Variants in AGBL1 observed in about 807,000 individuals in gnomAD.
AGBL1 encodes cytosolic carboxypeptidase 4.
Under a neutral mutation model 118.9 loss-of-function variants are expected in AGBL1, and 130 were observed. The ratio of observed to expected loss-of-function variants is 1.09; its 90% CI spans 0.95 to 1.26. The LOEUF (loss-of-function observed/expected upper bound fraction) is 1.26. Ranked by LOEUF, AGBL1 falls within the 50% of genes most tolerant of loss-of-function variation. The pLI is 0.00. For synonymous variants in AGBL1, 555 were observed against 478.9 expected (o/e 1.16, Z -2.08); for missense variants, 1,584 against 1,298.1 (o/e 1.22, Z -3.38).
chr15:86,355,969 T>TG (rs2080709130), intron 17 of AGBL1, among the ~76,000 whole-genome samples: 1 of 152,238 alleles, frequency 6.6e-6, no homozygotes, highest in Non-Finnish European at 1.5e-5. Context: ...TCTGCTTGCC[T>TG]GTCTTCTTTT....
intron 22 of AGBL1, among the ~76,000 whole-genome samples, chr15:86,740,628 A>C (rs2077663846): frequency 1.3e-5 from 2 of 152,206 alleles, no homozygotes; most frequent in Non-Finnish European, 2.9e-5. Flanking sequence ...AAGTGCTTGT[A>C]GAAGATTAGT....
chr15:86,495,152 G>T (rs574892351), intron 18 of AGBL1, among the ~76,000 whole-genome samples: 1 of 149,716 alleles, frequency 6.7e-6, no homozygotes, highest in East Asian at 2.0e-4. Context: ...CTCTTTCTCT[G>T]TTTCTGCTTT....
chr15:86,988,369 G>T, intron 24 of AGBL1: 1 of 269,710 alleles, frequency 3.7e-6, no homozygotes, highest in South Asian at 1.1e-4. Flanking sequence ...TCAATTGGTG[G>T]ATCCCTTTGT....
intron 17 of AGBL1, among the ~76,000 whole-genome samples, chr15:86,369,441 C>G (rs1246209507): frequency 1.3e-5 from 2 of 151,842 alleles, no homozygotes; most frequent in African/African-American, 2.4e-5. Flanking sequence ...TTGATTGACA[C>G]TAATAGATAA....
At chr15:86,645,752 A>C (rs1833628314) in intron 21 of AGBL1, among the ~76,000 whole-genome samples, 1 of 152,204 alleles carries the variant, frequency 6.6e-6, no homozygotes, top group Admixed American at 6.5e-5. Context: ...AGTTCACAGA[A>C]TGAGTTAGAA....
chr15:86,629,417 C>T (rs774063289), intron 21 of AGBL1, among the ~76,000 whole-genome samples: 7 of 152,070 alleles, frequency 4.6e-5, no homozygotes, highest in African/African-American at 7.2e-5. Flanking sequence ...ATCTGCATAT[C>T]GGTCAGTCAG....
chr15:86,927,763 G>A (rs1267476538), intron 23 of AGBL1, among the ~76,000 whole-genome samples: 1 of 152,010 alleles, frequency 6.6e-6, no homozygotes, highest in Non-Finnish European at 1.5e-5. Context: ...CAATCATTGT[G>A]TCTGCTTGCC....
chr15:86,392,102 G>A (rs556778154), intron 17 of AGBL1, among the ~76,000 whole-genome samples: 5 of 151,898 alleles, frequency 3.3e-5, no homozygotes, highest in African/African-American at 9.7e-5. Flanking sequence ...TAAAAATCAC[G>A]TAGATTACCT....
At chr15:86,417,506 T>G (rs990343402) in intron 18 of AGBL1, among the ~76,000 whole-genome samples, 3 of 152,224 alleles carry the variant, frequency 2.0e-5, no homozygotes, top group African/African-American at 7.2e-5. Flanking sequence ...GATGTAACAT[T>G]GAACAGAGCA....
chr15:86,937,496 A>G (rs555331850), intron 23 of AGBL1, among the ~76,000 whole-genome samples: 11 of 152,370 alleles, frequency 7.2e-5, no homozygotes, highest in Non-Finnish European at 1.5e-4. Flanking sequence ...TGTCCTTTGC[A>G]GGAACATGGA....
intron 21 of AGBL1, among the ~76,000 whole-genome samples, chr15:86,638,223 A>C (rs1051992163): frequency 1.3e-4 from 20 of 152,236 alleles, no homozygotes; most frequent in Admixed American, 1.3e-3. Context: ...AAATATTGCA[A>C]TACAACAGTT....
chr15:86,105,967 G>T (rs1445287813), intron 1 of AGBL1, among the ~76,000 whole-genome samples: 2 of 152,172 alleles, frequency 1.3e-5, no homozygotes, highest in South Asian at 4.1e-4. Context: ...TCAGCCCTTT[G>T]TTTCTTCCAA....
chr15:86,888,324 G>C (rs1385870919), intron 22 of AGBL1, among the ~76,000 whole-genome samples: 3 of 149,960 alleles, frequency 2.0e-5, no homozygotes, highest in Non-Finnish European at 3.0e-5. Context: ...CTGTCCAGTG[G>C]AAACTAAATA....
chr15:86,293,259 A>G (rs2079577175), intron 16 of AGBL1, among the ~76,000 whole-genome samples: 1 of 152,200 alleles, frequency 6.6e-6, no homozygotes, highest in Admixed American at 6.5e-5. Context: ...TTTTAAAAAA[A>G]ATTGTACAGC....
At chr15:86,801,362 A>T (rs1470994330) in intron 22 of AGBL1, among the ~76,000 whole-genome samples, 2 of 113,550 alleles carry the variant, frequency 1.8e-5, no homozygotes. Context: ...TCTATATTAA[A>T]GCCTTCTTAA....
intron 18 of AGBL1, among the ~76,000 whole-genome samples, chr15:86,459,839 C>T (rs8028244): frequency 0.46 from 69,564 of 151,852 alleles, 16,516 homozygotes; most frequent in Middle Eastern, 0.56. Flanking sequence ...TTTTTATTGC[C>T]CAACGGGTAC....
intron 17 of AGBL1, among the ~76,000 whole-genome samples, chr15:86,324,738 A>C (rs1597730486): frequency 6.6e-6 from 1 of 152,344 alleles, no homozygotes; most frequent in East Asian, 1.9e-4. Flanking sequence ...GTAGAGTCGT[A>C]GTGGTAAATC....
intron 22 of AGBL1, among the ~76,000 whole-genome samples, chr15:86,859,875 G>A (rs1037975610): frequency 1.3e-5 from 2 of 152,132 alleles, no homozygotes; most frequent in African/African-American, 4.8e-5. Context: ...TTTATCAGCT[G>A]TGTGACCTTG....
chr15:86,449,974 A>G (rs1296766652), intron 18 of AGBL1, among the ~76,000 whole-genome samples: 1 of 151,916 alleles, frequency 6.6e-6, no homozygotes, highest in Non-Finnish European at 1.5e-5. Context: ...AAATTGTGGC[A>G]TTTCAAGCTT....
Sources: allele counts gnomAD v4.1 joint callset (sites outside exome capture counted in the v4.1 genomes callset), GRCh38; gene constraint gnomAD v4.1.1; transcripts MANE v1.5; gene names NCBI Gene and HGNC (gene_info 2026-07-23, HGNC 2026-07-21).